Variants in ZNF69 observed in about 807,000 individuals in gnomAD.
ZNF69 encodes zinc finger protein 69, also known as ZNF3.
In ZNF69, 47 loss-of-function variants were observed where a neutral mutation model predicts 50.9. That is an observed-to-expected ratio of 0.92 (90% CI 0.73 to 1.18). The LOEUF (loss-of-function observed/expected upper bound fraction) is 1.18, where lower values mean the gene tolerates loss of function less well. Among genes scored for constraint, ZNF69 ranks in the 50% most tolerant of loss-of-function variants. The probability of loss-of-function intolerance (pLI) is 0.00; values close to 1 mark genes in which losing one functional copy is unlikely to be tolerated. For synonymous variants in ZNF69, 216 were observed against 223.1 expected (o/e 0.97, Z 0.29); for missense variants, 717 against 675.1 (o/e 1.06, Z -0.69).
intron 1 of ZNF69, among the ~76,000 whole-genome samples, chr19:11,893,141 A>C (rs935200735): frequency 1.3e-5 from 2 of 152,158 alleles, no homozygotes; most frequent in African/African-American, 4.8e-5. Flanking sequence ...GGCCTGACTT[A>C]GGTAGAAATT....
chr19:11,957,532 C>T, the ZNF69 span, among the ~76,000 whole-genome samples: 1 of 151,936 alleles, frequency 6.6e-6, no homozygotes, highest in African/African-American at 2.4e-5. Flanking sequence ...TGCATATAAG[C>T]CTAGAAGGGA....
chr19:11,967,143 T>C, the ZNF69 span, among the ~76,000 whole-genome samples: 1 of 152,174 alleles, frequency 6.6e-6, no homozygotes, highest in African/African-American at 2.4e-5. Flanking sequence ...GAGACCACCC[T>C]GGGCAACATA....
At chr19:11,894,064 A>T (rs974509101) in intron 1 of ZNF69, among the ~76,000 whole-genome samples, 7 of 152,210 alleles carry the variant, frequency 4.6e-5, no homozygotes, top group African/African-American at 1.7e-4. Context: ...GGAAATAGTC[A>T]TTGAGCACTT....
chr19:11,957,735 G>C, the ZNF69 span, among the ~76,000 whole-genome samples: 25,264 of 150,404 alleles, frequency 0.17, 4,526 homozygotes, highest in African/African-American at 0.46. Context: ...ACACCAGCTA[G>C]TCTGGTGACT....
At chr19:11,925,326 G>A in the ZNF69 span, 1 of 1,600,822 alleles carries the variant, frequency 6.2e-7, no homozygotes. Context: ...GCCTGGAACA[G>A]GCGGGAACCG....
chr19:11,932,428 C>G, the ZNF69 span, among the ~76,000 whole-genome samples: 1 of 148,316 alleles, frequency 6.7e-6, no homozygotes, highest in Non-Finnish European at 1.5e-5. Context: ...AGATTTATTT[C>G]TGTATAGAGT....
At chr19:11,946,512 C>G in the ZNF69 span, among the ~76,000 whole-genome samples, 1 of 152,160 alleles carries the variant, frequency 6.6e-6, no homozygotes, top group Non-Finnish European at 1.5e-5. Flanking sequence ...CCTGTCCTCT[C>G]AACCACTGTG....
the ZNF69 span, among the ~76,000 whole-genome samples, chr19:11,934,620 A>G: frequency 6.8e-6 from 1 of 147,182 alleles, no homozygotes; most frequent in Non-Finnish European, 1.5e-5. Flanking sequence ...TCTGCCTCCC[A>G]GGTTCAAACG....
chr19:11,913,632 G>A (rs905625511), exon 5 of ZNF69: 28 of 291,912 alleles, frequency 9.6e-5, no homozygotes, highest in African/African-American at 3.1e-4. Flanking sequence ...CTCATGATTC[G>A]CCTGCCTCGG....
At chr19:11,890,652 G>A (rs544055431) in intron 1 of ZNF69, among the ~76,000 whole-genome samples, 1 of 152,236 alleles carries the variant, frequency 6.6e-6, no homozygotes, top group African/African-American at 2.4e-5. Flanking sequence ...TAGAGATGGG[G>A]TTTCACCATG....
chr19:11,944,425 ACT>A, the ZNF69 span, among the ~76,000 whole-genome samples: 1 of 151,994 alleles, frequency 6.6e-6, no homozygotes, highest in Non-Finnish European at 1.5e-5. Context: ...CCTTTCCGGA[ACT>A]CTGAGGTTGG....
At chr19:11,900,105 C>T (rs1568276305) in intron 1 of ZNF69, among the ~76,000 whole-genome samples, 1 of 152,032 alleles carries the variant, frequency 6.6e-6, no homozygotes, top group Non-Finnish European at 1.5e-5. Flanking sequence ...AGGTGTACGC[C>T]GCCATGCATG....
chr19:11,896,289 T>C (rs986021511), intron 1 of ZNF69, among the ~76,000 whole-genome samples: 5 of 151,178 alleles, frequency 3.3e-5, no homozygotes, highest in Non-Finnish European at 7.4e-5. Context: ...GGTCTATCTT[T>C]CCATCTCTCT....
chr19:11,965,298 C>T, the ZNF69 span: 79 of 1,575,688 alleles, frequency 5.0e-5, no homozygotes, highest in East Asian at 1.1e-4. Context: ...CCGGGCCTCC[C>T]TGCGGGCGAC....
the ZNF69 span, chr19:11,950,300 A>G: frequency 6.4e-7 from 1 of 1,563,600 alleles, no homozygotes; most frequent in East Asian, 2.2e-5. Context: ...GGAAGGAAGC[A>G]CTATGAATGC....
chr19:11,963,088 A>AGAGAGAGAGAGAGAGAGTGTGTGTGTGT, the ZNF69 span, among the ~76,000 whole-genome samples: 12 of 138,314 alleles, frequency 8.7e-5, no homozygotes, highest in African/African-American at 3.3e-4. Flanking sequence ...AGAGAGAGAG[A>AGAGAGAGAGAGAGAGAGTGTGTGTGTGT]GTGTGTGTGT....
chr19:11,922,986 A>G, the ZNF69 span, among the ~76,000 whole-genome samples: 1 of 152,032 alleles, frequency 6.6e-6, no homozygotes, highest in African/African-American at 2.4e-5. Context: ...CTAATTAAAA[A>G]ATAGATTTAT....
chr19:11,914,620 G>A (rs1046465899), downstream of ZNF69, among the ~76,000 whole-genome samples: 2 of 152,180 alleles, frequency 1.3e-5, no homozygotes, highest in Admixed American at 6.5e-5. Context: ...TATCTCAGCA[G>A]TGTAAAGTTA....
the ZNF69 span, chr19:11,978,592 C>T: frequency 1.4e-5 from 22 of 1,614,070 alleles, no homozygotes; most frequent in Non-Finnish European, 1.9e-5. Flanking sequence ...AGAACTCACA[C>T]TGGAGAGAAA....
Sources: allele counts gnomAD v4.1 joint callset (sites outside exome capture counted in the v4.1 genomes callset), GRCh38; gene constraint gnomAD v4.1.1; transcripts MANE v1.5; gene names NCBI Gene and HGNC (gene_info 2026-07-23, HGNC 2026-07-21).